SIRPD: variants seen among roughly 807,000 people sequenced by gnomAD.
The protein encoded by SIRPD is signal-regulatory protein delta.
A neutral mutation model predicts 18.0 loss-of-function variants in SIRPD; 21 were observed. The observed-to-expected ratio is 1.17, with a 90% CI of 0.83 to 1.68. The LOEUF (loss-of-function observed/expected upper bound fraction) is 1.68. Ranked by LOEUF, SIRPD falls within the 40% of genes most tolerant of loss-of-function variation. SIRPD has a pLI of 0.00. For missense variants in SIRPD, 295 were observed against 238.4 expected, an observed-to-expected ratio of 1.24 and a Z score of -1.56; for synonymous variants, 106 against 92.9, an observed-to-expected ratio of 1.14 and a Z score of -0.81.
intron 3 of SIRPD, 61 bp downstream of exon 3, chr20:1,537,094 A>G: frequency 1.3e-6 from 2 of 1,572,322 alleles, no homozygotes; most frequent in Non-Finnish European, 8.7e-7. Context: ...GCGAAATGGT[A>G]CCGCCGCCAA....
chr20:1,556,434 C>A (rs1014867713), intron 1 of SIRPD, among the ~76,000 whole-genome samples: 4 of 152,142 alleles, frequency 2.6e-5, no homozygotes, highest in African/African-American at 9.7e-5. Flanking sequence ...CATAAACCAA[C>A]AAAGAATATA....
intron 1 of SIRPD, among the ~76,000 whole-genome samples, chr20:1,555,316 T>A (rs1782058565): frequency 6.6e-6 from 1 of 152,204 alleles, no homozygotes; most frequent in African/African-American, 2.4e-5. Flanking sequence ...AATAGAATGT[T>A]GTTACCAGGG....
chr20:1,548,378 T>G (rs1374553713), intron 2 of SIRPD, among the ~76,000 whole-genome samples: 5 of 152,136 alleles, frequency 3.3e-5, no homozygotes, highest in African/African-American at 1.2e-4. Flanking sequence ...TGTGGTTTTC[T>G]TTTTTATTTT....
intron 1 of SIRPD, 129 bp from the exon 2 acceptor site, chr20:1,552,167 G>T (rs1404427016): frequency 7.9e-6 from 6 of 758,430 alleles, no homozygotes; most frequent in Non-Finnish European, 1.3e-5. Flanking sequence ...TGAGTAAAGA[G>T]AGGCCTTTGC....
intron 1 of SIRPD, among the ~76,000 whole-genome samples, chr20:1,552,684 C>T (rs1048002672): frequency 6.6e-6 from 1 of 152,138 alleles, no homozygotes; most frequent in Non-Finnish European, 1.5e-5. Context: ...CTTTACCCTC[C>T]TACACAGTCA....
At chr20:1,538,055 C>T (rs1351142729) in intron 2 of SIRPD, among the ~76,000 whole-genome samples, 1 of 152,118 alleles carries the variant, frequency 6.6e-6, no homozygotes, top group Admixed American at 6.5e-5. Flanking sequence ...CATCTCCTCT[C>T]CTCCTTCTGA....
chr20:1,540,284 T>A (rs1333441615), intron 2 of SIRPD: 2 of 455,928 alleles, frequency 4.4e-6, no homozygotes, highest in Non-Finnish European at 8.8e-6. Flanking sequence ...ATGCCTTGAT[T>A]TCAGTCCAGA....
chr20:1,557,571 C>G lies in SIRPD; in HGVS notation c.73+10G>C. The G allele has an allele frequency of 1.3e-6, 2 of 1,558,082 alleles. No individual in the cohort carries two copies. Among genetic ancestry groups the G allele is most frequent in the Non-Finnish European group, 1.7e-6 (2 of 1,151,176 alleles). On this transcript the variant is annotated intron_variant, in intron 1 of 3. Coordinates refer to ENST00000381623, the MANE Select transcript of SIRPD (RefSeq NM_178460.3). ...AACCCACCACACACATACACTGAGG[C>G]CCCACTCACCTGCCAGTTCAAGCAG... is the stretch of plus-strand genomic sequence containing the variant.
chr20:1,543,853 G>A (rs987443828), intron 2 of SIRPD, among the ~76,000 whole-genome samples: 1 of 152,092 alleles, frequency 6.6e-6, no homozygotes, highest in African/African-American at 2.4e-5. Flanking sequence ...ATTTATTTCT[G>A]CCTTAATTTC....
chr20:1,557,478 G>C (rs185269438), intron 1 of SIRPD, 103 bp downstream of exon 1: 32 of 1,072,996 alleles, frequency 3.0e-5, no homozygotes, highest in Non-Finnish European at 3.8e-5. Flanking sequence ...ATAAGATGGA[G>C]AAAACCCTCC....
chr20:1,534,537 A>T, intron 3 of SIRPD, 96 bp from the exon 4 acceptor site: 1 of 1,293,964 alleles, frequency 7.7e-7, no homozygotes, highest in East Asian at 2.5e-5. Flanking sequence ...AGCAAACATG[A>T]AAAAGATTGC....
intron 1 of SIRPD, among the ~76,000 whole-genome samples, chr20:1,552,315 A>G (rs564069177): frequency 1.1e-4 from 16 of 152,186 alleles, no homozygotes; most frequent in African/African-American, 3.4e-4. Flanking sequence ...GCAATTATCA[A>G]TGGGTAATGT....
Position 1,537,273 on chromosome 20 carries a change from G to A in SIRPD, c.459C>T (p.Gly153=), listed in dbSNP as rs2090950740. 6.2e-7 allele frequency: 1 copy of A among 1,614,130 alleles called. No individual in the cohort carries two copies. Among genetic ancestry groups the A allele is most frequent in the Non-Finnish European group, 8.5e-7 (1 of 1,180,008 alleles). The change falls in exon 3 of 4, where the codon GGC becomes GGT. Residue 153 remains glycine (G), a synonymous_variant. Transcript: ENST00000381623. ...NPRPPKNRPA[G]RAGSRAHHDA... is the part of the protein sequence containing the mutation. ...CATGGTGGGCCCTGGAGCCTGCTCT[G>A]CCTGCAGGTCTGTTCTTGGGAGGTC...
intron 1 of SIRPD, among the ~76,000 whole-genome samples, chr20:1,553,514 T>A (rs2091028001): frequency 6.6e-6 from 1 of 152,138 alleles, no homozygotes; most frequent in Non-Finnish European, 1.5e-5. Flanking sequence ...GACTGGAAGT[T>A]CAGGGTCATG....
At chr20:1,538,754 T>A (rs2090958584) in intron 2 of SIRPD, among the ~76,000 whole-genome samples, 1 of 152,096 alleles carries the variant, frequency 6.6e-6, no homozygotes, top group African/African-American at 2.4e-5. Flanking sequence ...GCAGCCAATA[T>A]CCATTATCAA....
intron 3 of SIRPD, among the ~76,000 whole-genome samples, chr20:1,536,247 AACTAGTTTGATTCTCACC>A (rs2090944749): frequency 6.6e-6 from 1 of 152,228 alleles, no homozygotes; most frequent in Non-Finnish European, 1.5e-5. Context: ...TATATTAATT[AACTAGTTTGATTCTCACC>A]ACAACTGTAT....
chr20:1,557,160 C>A (rs569774691), intron 1 of SIRPD, among the ~76,000 whole-genome samples: 9 of 151,858 alleles, frequency 5.9e-5, no homozygotes, highest in Non-Finnish European at 1.0e-4. Context: ...GTTGGAGGCA[C>A]GAGAATCACT....
In SIRPD at chr20:1,546,236, G is replaced by A. The variant is rs112947241; in HGVS notation, c.421+5455C>T. 9.2e-3 allele frequency among the ~76,000 whole-genome samples: 1,397 copies of A among 152,294 alleles called. 22 individuals are homozygous for A. Among genetic ancestry groups the A allele is most frequent in the African/African-American group, 0.033 (1,358 of 41,554 alleles). On this transcript the variant is annotated intron_variant, in intron 2 of 3. Coordinates refer to ENST00000381623, the MANE Select transcript of SIRPD (RefSeq NM_178460.3). ...GTGCCCACAGCTGCCCCTTCCCCCC[G>A]GTGCTCTGTCCCAGGGAGATGGGAG... is the stretch of plus-strand genomic sequence containing the variant.
intron 3 of SIRPD, 110 bp downstream of exon 3, chr20:1,537,045 C>G: frequency 1.5e-6 from 2 of 1,309,576 alleles, no homozygotes; most frequent in African/African-American, 2.9e-5. Context: ...AAGAAAGAGG[C>G]CCTAGGACAA....
Sources: gnomAD v4.1 joint callset for allele counts (sites outside exome capture counted in the v4.1 genomes callset) on GRCh38, gnomAD v4.1.1 for gene constraint, MANE v1.5 for transcripts, NCBI Gene and HGNC (gene_info 2026-07-23, HGNC 2026-07-21) for gene names.